The following HERC5 variants were observed in gnomAD, a reference collection of about 807,000 sequenced individuals.
HERC5 encodes the protein HECT and RLD domain containing E3 ubiquitin protein ligase 5.
A neutral mutation model predicts 119.6 loss-of-function variants in HERC5; 99 were observed. The observed-to-expected ratio is 0.83, with a 90% confidence interval of 0.70 to 0.98. The LOEUF (loss-of-function observed/expected upper bound fraction) is 0.98. Ranked by LOEUF, HERC5 falls within the 50% of genes least tolerant of loss-of-function variation. The pLI, the probability that HERC5 is intolerant of heterozygous loss-of-function variation, is 0.00. For synonymous variants in HERC5, 478 were observed against 445.9 expected, an observed-to-expected ratio of 1.07 and a Z score of -0.91; for missense variants, 1,267 against 1,241.3, an observed-to-expected ratio of 1.02 and a Z score of -0.31.
At chr4:88,457,865 C>T in intron 1 of HERC5, 1 of 1,042,974 alleles carries the variant, frequency 9.6e-7, no homozygotes, top group Non-Finnish European at 1.2e-6. Flanking sequence ...CCGTCCCCCG[C>T]CCGCCGCATC....
At chr4:88,491,050 T>C (rs1031115314) in intron 16 of HERC5, among the ~76,000 whole-genome samples, 5 of 152,150 alleles carry the variant, frequency 3.3e-5, no homozygotes, top group Non-Finnish European at 5.9e-5. Context: ...GCAGGCTCTG[T>C]GTGAGGCATT....
At chr4:88,459,035 C>T (rs1740306428) in intron 1 of HERC5, among the ~76,000 whole-genome samples, 1 of 152,062 alleles carries the variant, frequency 6.6e-6, no homozygotes, top group South Asian at 2.1e-4. Context: ...TCATCTTTGT[C>T]ATTTCAAATT....
chr4:88,467,014 A>C (rs746828656), intron 6 of HERC5, 45 bp from the exon 7 acceptor site: 5 of 1,596,306 alleles, frequency 3.1e-6, no homozygotes, highest in Non-Finnish European at 4.3e-6. Flanking sequence ...CACTCTCATC[A>C]TTGTGGATAA....
intron 19 of HERC5, 87 bp downstream of exon 19, chr4:88,500,079 A>T: frequency 1.2e-6 from 1 of 806,544 alleles, no homozygotes; most frequent in Non-Finnish European, 2.0e-6. Context: ...CTTTTACTTA[A>T]AAAAAAAACC....
At chr4:88,495,330 C>CT (rs1009498587) in intron 18 of HERC5, among the ~76,000 whole-genome samples, 4 of 152,134 alleles carry the variant, frequency 2.6e-5, no homozygotes, top group African/African-American at 9.7e-5. Context: ...AAGTGGCTTG[C>CT]TTGAGCCCAG....
At chr4:88,479,067 C>T (rs1274315254) in intron 12 of HERC5, among the ~76,000 whole-genome samples, 3 of 152,070 alleles carry the variant, frequency 2.0e-5, no homozygotes, top group African/African-American at 7.2e-5. Context: ...GGGCGGATCA[C>T]CTGAGGTCAG....
intron 15 of HERC5, among the ~76,000 whole-genome samples, chr4:88,488,207 T>C (rs1214312777): frequency 6.6e-6 from 1 of 152,076 alleles, no homozygotes; most frequent in Non-Finnish European, 1.5e-5. Context: ...TACTCCTTTT[T>C]CTGCTAAAAG....
intron 3 of HERC5, among the ~76,000 whole-genome samples, chr4:88,461,608 G>T (rs1359587348): frequency 1.3e-5 from 2 of 152,026 alleles, no homozygotes; most frequent in Non-Finnish European, 2.9e-5. Flanking sequence ...ATCTAAGAAC[G>T]CTCCCTAAAA....
chr4:88,459,593 T>A (rs2149082593), intron 2 of HERC5, 123 bp downstream of exon 2: 1 of 635,398 alleles, frequency 1.6e-6, no homozygotes, highest in South Asian at 2.9e-5. Flanking sequence ...AATAATAAAT[T>A]CTGAACTGAC....
chr4:88,466,233 C>G (rs555255366), intron 6 of HERC5, among the ~76,000 whole-genome samples: 9 of 151,968 alleles, frequency 5.9e-5, no homozygotes, highest in Non-Finnish European at 1.2e-4. Flanking sequence ...ACCACAGGTC[C>G]ACCATGCCCA....
intron 21 of HERC5, 21 bp from the exon 22 acceptor site, chr4:88,504,474 T>A: frequency 6.5e-7 from 1 of 1,543,596 alleles, no homozygotes; most frequent in Non-Finnish European, 8.8e-7. Context: ...CCTCAATAAC[T>A]TTTTTTTGTA....
chr4:88,469,038 C>T, intron 8 of HERC5, 119 bp from the exon 9 acceptor site: 1 of 619,670 alleles, frequency 1.6e-6, no homozygotes, highest in East Asian at 2.8e-5. Flanking sequence ...TGTGATTGTC[C>T]CAGGGCTGTA....
At chr4:88,501,056 T>C in intron 20 of HERC5, 71 bp downstream of exon 20, 2 of 1,013,154 alleles carry the variant, frequency 2.0e-6, no homozygotes, top group South Asian at 1.5e-5. Flanking sequence ...TAAAAATTCC[T>C]TTTAGCTCTT....
chr4:88,464,816 G>A (rs1312324399), intron 6 of HERC5, among the ~76,000 whole-genome samples: 2 of 152,116 alleles, frequency 1.3e-5, no homozygotes, highest in Non-Finnish European at 2.9e-5. Flanking sequence ...TGCTGCAAAG[G>A]CTGGAGTGCG....
intron 13 of HERC5, among the ~76,000 whole-genome samples, chr4:88,479,928 G>A (rs544604620): frequency 1.3e-5 from 2 of 152,078 alleles, no homozygotes; most frequent in East Asian, 1.9e-4. Context: ...TTAGCTGGGC[G>A]TGGTGGCGGG....
chr4:88,491,318 ACTGT>A (rs1741632462), intron 16 of HERC5, among the ~76,000 whole-genome samples: 1 of 152,206 alleles, frequency 6.6e-6, no homozygotes, highest in African/African-American at 2.4e-5. Context: ...GTTGGAAGTG[ACTGT>A]CAATCAGGAG....
At chr4:88,462,483 C>CT (rs1740479218) in intron 4 of HERC5, 127 bp downstream of exon 4, 1 of 766,848 alleles carries the variant, frequency 1.3e-6, no homozygotes, top group Non-Finnish European at 2.2e-6. Flanking sequence ...GATTACCTCT[C>CT]TGTCTTCAGG....
At chr4:88,465,056 C>T (rs994282058) in intron 6 of HERC5, among the ~76,000 whole-genome samples, 7 of 152,140 alleles carry the variant, frequency 4.6e-5, no homozygotes, top group African/African-American at 1.7e-4. Context: ...AGGCATGAGC[C>T]ACTGCACCTG....
intron 13 of HERC5, among the ~76,000 whole-genome samples, chr4:88,484,532 C>A (rs1391808525): frequency 6.6e-6 from 1 of 152,190 alleles, no homozygotes; most frequent in Non-Finnish European, 1.5e-5. Flanking sequence ...TTTGTAATTA[C>A]AGATCCTATA....
Sources: allele counts gnomAD v4.1 joint callset (sites outside exome capture counted in the v4.1 genomes callset), GRCh38; gene constraint gnomAD v4.1.1; transcripts MANE v1.5; gene names NCBI Gene and HGNC (gene_info 2026-07-23, HGNC 2026-07-21).